SIPA1L3: variants seen among roughly 807,000 people sequenced by gnomAD.
SIPA1L3 encodes signal induced proliferation associated 1 like 3, also known as signal-induced proliferation-associated 1-like protein 3.
Under a neutral mutation model 150.1 loss-of-function variants are expected in SIPA1L3, and 59 were observed. The observed-to-expected ratio is 0.39, with a 90% CI of 0.32 to 0.49. The LOEUF (loss-of-function observed/expected upper bound fraction) is 0.49, where lower values mean the gene tolerates loss of function less well. Ranked by LOEUF, SIPA1L3 falls within the 20% of genes least tolerant of loss-of-function variation. SIPA1L3 has a pLI of 0.86. For missense variants in SIPA1L3, 2,211 were observed against 2,489.5 expected, an observed-to-expected ratio of 0.89 and a Z score of 2.38; for synonymous variants, 1,070 against 1,077.6, an observed-to-expected ratio of 0.99 and a Z score of 0.14.
At chr19:38,056,045 T>C (rs1000054926) in intron 2 of SIPA1L3, among the ~76,000 whole-genome samples, 1 of 152,224 alleles carries the variant, frequency 6.6e-6, no homozygotes, top group Non-Finnish European at 1.5e-5. Context: ...GTGTGGGGGC[T>C]GAGAGTGGGA....
intron 1 of SIPA1L3, among the ~76,000 whole-genome samples, chr19:37,922,857 G>A (rs900708275): frequency 2.6e-5 from 4 of 151,250 alleles, no homozygotes; most frequent in Admixed American, 6.6e-5. Context: ...GGCTGGGCAC[G>A]GTGGCTCATG....
intron 1 of SIPA1L3, among the ~76,000 whole-genome samples, chr19:37,929,954 G>A (rs1167860076): frequency 1.3e-5 from 2 of 151,858 alleles, no homozygotes; most frequent in Admixed American, 1.3e-4. Context: ...GATCTCCTGG[G>A]CTCAAGCAAT....
chr19:38,162,447 G>A (rs1379054672), intron 14 of SIPA1L3, 76 bp downstream of exon 14: 2 of 1,071,694 alleles, frequency 1.9e-6, no homozygotes, highest in African/African-American at 1.5e-5. Context: ...TCACACTTGA[G>A]CACATCCTCA....
At chr19:38,076,870 T>C (rs573222243) in intron 2 of SIPA1L3, among the ~76,000 whole-genome samples, 3 of 152,288 alleles carry the variant, frequency 2.0e-5, no homozygotes, top group Admixed American at 2.0e-4. Flanking sequence ...CTTGCACTGT[T>C]TACAAAATAT....
intron 1 of SIPA1L3, among the ~76,000 whole-genome samples, chr19:37,941,373 G>T (rs748553058): frequency 6.6e-5 from 10 of 151,648 alleles, no homozygotes; most frequent in Non-Finnish European, 1.2e-4. Context: ...TATCCTGAGG[G>T]TACTGGCTCT....
rs372506122 is a variant in SIPA1L3 at position 38,162,269 on chromosome 19, G to T, written c.3678G>T (p.Val1226=). 6.8e-5 allele frequency: 109 copies of T among 1,614,086 alleles called. No individual in the cohort carries two copies. The highest frequency in any genetic ancestry group is 8.6e-5 in the Non-Finnish European group (102 of 1,180,014). ...ERQKPEPLWH[V]PAQARLSAIA... The stretch of plus-strand genomic sequence containing the variant: ...TTCCTACAGAGCCTTTGTGGCATGT[G>T]CCTGCCCAGGCCAGGCTCTCAGCCA... Residue 1226 remains valine, a synonymous_variant, in exon 14 of 22, where the codon GTG becomes GTT. Coordinates refer to ENST00000222345, the MANE Select transcript of SIPA1L3 (RefSeq NM_015073.3).
At chr19:38,150,976 T>C (rs1191269311) in intron 12 of SIPA1L3, among the ~76,000 whole-genome samples, 2 of 152,182 alleles carry the variant, frequency 1.3e-5, no homozygotes, top group African/African-American at 4.8e-5. Flanking sequence ...AAAAGGAAGC[T>C]CAGGAGCAGG....
At chr19:38,069,394 A>T (rs1236963475) in intron 2 of SIPA1L3, among the ~76,000 whole-genome samples, 1 of 152,068 alleles carries the variant, frequency 6.6e-6, no homozygotes, top group Non-Finnish European at 1.5e-5. Flanking sequence ...GTCCTCCCCA[A>T]CCACACCTGC....
At chr19:38,030,623 A>AATATATATATATATATATATATAT (rs757828313) in intron 2 of SIPA1L3, among the ~76,000 whole-genome samples, 3 of 42,624 alleles carry the variant, frequency 7.0e-5, no homozygotes, top group Non-Finnish European at 1.1e-4. Context: ...ATATGTGGCA[A>AATATATATATATATATATATATAT]ATATATATAT....
chr19:38,052,398 G>C (rs75987578), intron 2 of SIPA1L3, among the ~76,000 whole-genome samples: 593 of 152,372 alleles, frequency 3.9e-3, no homozygotes, highest in African/African-American at 0.014. Flanking sequence ...GGGCACCTTA[G>C]CAGAGCCCAG....
intron 1 of SIPA1L3, among the ~76,000 whole-genome samples, chr19:38,008,326 C>T (rs1428579459): frequency 7.2e-6 from 1 of 138,106 alleles, no homozygotes; most frequent in African/African-American, 2.7e-5. Flanking sequence ...CTCCCGGGTT[C>T]AAGCAATTCT....
intron 2 of SIPA1L3, among the ~76,000 whole-genome samples, chr19:38,042,607 TC>T (rs1457057138): frequency 4.6e-5 from 7 of 152,214 alleles, no homozygotes; most frequent in Non-Finnish European, 7.3e-5. Context: ...AATATGTCTT[TC>T]CCAAAGAGCA....
chr19:38,176,176 AT>A (rs112319201), intron 15 of SIPA1L3, among the ~76,000 whole-genome samples: 34,042 of 146,228 alleles, frequency 0.23, 4,844 homozygotes, highest in African/African-American at 0.41. Context: ...CACTTGGCTA[AT>A]TTTTTTTTTT....
chr19:38,039,693 CAAAAAAAAA>C (rs60084757), intron 2 of SIPA1L3, among the ~76,000 whole-genome samples: 3 of 73,548 alleles, frequency 4.1e-5, no homozygotes, highest in African/African-American at 1.6e-4. Flanking sequence ...GACTCTGTCT[CAAAAAAAAA>C]AAAAAAAAAA....
chr19:37,920,606 T>C (rs181444095), intron 1 of SIPA1L3, among the ~76,000 whole-genome samples: 27 of 152,342 alleles, frequency 1.8e-4, no homozygotes, highest in Admixed American at 1.7e-3. Context: ...TAAAAACAAG[T>C]ACAACAAATT....
At chr19:37,908,572 C>G (rs1405914972) in intron 1 of SIPA1L3, among the ~76,000 whole-genome samples, 3 of 151,166 alleles carry the variant, frequency 2.0e-5, no homozygotes, top group South Asian at 2.1e-4. Context: ...GCACAAGGCC[C>G]GGCACACAGT....
intron 12 of SIPA1L3, 74 bp downstream of exon 12, chr19:38,142,784 AC>A: frequency 6.6e-7 from 1 of 1,510,160 alleles, no homozygotes; most frequent in Non-Finnish European, 9.0e-7. Flanking sequence ...CAGCAAATGC[AC>A]ACCCCCACAA....
chr19:38,130,477 G>A (rs530477501), intron 9 of SIPA1L3, 21 bp from the exon 10 acceptor site: 19 of 1,597,048 alleles, frequency 1.2e-5, no homozygotes, highest in East Asian at 4.5e-5. Flanking sequence ...TCTGAGGCTC[G>A]ATCCTGCCTG....
chr19:38,192,107 TCCCTGACACCCCTCTGA>T, intron 16 of SIPA1L3, 21 bp from the exon 17 acceptor site: 1 of 1,543,666 alleles, frequency 6.5e-7, no homozygotes, highest in Non-Finnish European at 8.7e-7. Flanking sequence ...GGCTTGAGCC[TCCCTGACACCCCTCTGA>T]CCCTGACGCT....
Sources: allele counts gnomAD v4.1 joint callset (sites outside exome capture counted in the v4.1 genomes callset), GRCh38; gene constraint gnomAD v4.1.1; transcripts MANE v1.5; gene names NCBI Gene and HGNC (gene_info 2026-07-23, HGNC 2026-07-21).